MAST4: variants seen among roughly 807,000 people sequenced by gnomAD.
MAST4 encodes microtubule-associated serine/threonine-protein kinase 4.
MAST4 carries 89 observed loss-of-function variants against 162.7 expected under a neutral mutation model. That is an observed-to-expected ratio of 0.55 (90% CI 0.46 to 0.65). The LOEUF (loss-of-function observed/expected upper bound fraction) is 0.65, where lower values mean the gene tolerates loss of function less well. MAST4 is among the 30% of genes least tolerant of loss of function. The probability of loss-of-function intolerance (pLI) is 0.00; values close to 1 mark genes in which losing one functional copy is unlikely to be tolerated. For missense variants in MAST4, 3,153 were observed against 3,374.0 expected, an observed-to-expected ratio of 0.93 and a Z score of 1.62; for synonymous variants, 1,479 against 1,361.1, an observed-to-expected ratio of 1.09 and a Z score of -1.91.
chr5:67,167,107 C>A lies in MAST4; in HGVS notation c.*56C>A. 7.0e-7 allele frequency: 1 copy of A among 1,430,706 alleles called. No individual in the cohort carries two copies. 88.6% of individuals were successfully genotyped at this position (1,430,706 alleles called of 1,614,324 possible). A position where few individuals can be genotyped will look rare whatever the true frequency, so the allele number is the denominator to read the frequency against. ...ACCCGTCCTGAACGGGCGACTGTGT[C>A]TTGACTACCTTTCAAAACCAGCACT... On this transcript the variant is annotated 3_prime_UTR_variant, in exon 29 of 29. Transcript: ENST00000403625.
intron 1 of MAST4, among the ~76,000 whole-genome samples, chr5:66,709,476 T>C (rs1750354749): frequency 6.6e-6 from 1 of 152,120 alleles, no homozygotes; most frequent in Non-Finnish European, 1.5e-5. Context: ...CCACTGTCCC[T>C]GGCTAATTTT....
At chr5:67,115,402 C>T (rs1159641793) in intron 12 of MAST4, among the ~76,000 whole-genome samples, 1 of 152,252 alleles carries the variant, frequency 6.6e-6, no homozygotes, top group African/African-American at 2.4e-5. Context: ...ACCTGCTGCT[C>T]TCTGCCCTGC....
intron 15 of MAST4, among the ~76,000 whole-genome samples, chr5:67,131,168 G>A (rs1377750076): frequency 6.6e-6 from 1 of 151,950 alleles, no homozygotes; most frequent in Admixed American, 6.6e-5. Flanking sequence ...AGATAGAGTG[G>A]TAGATAAAAG....
chr5:66,876,697 C>T (rs576898424), intron 3 of MAST4, among the ~76,000 whole-genome samples: 22 of 152,316 alleles, frequency 1.4e-4, no homozygotes, highest in African/African-American at 4.6e-4. Flanking sequence ...ATAGTCTGCC[C>T]TATGACCCAG....
At chr5:66,772,019 A>G (rs538951775) in intron 2 of MAST4, among the ~76,000 whole-genome samples, 2 of 152,332 alleles carry the variant, frequency 1.3e-5, no homozygotes, top group South Asian at 4.1e-4. Flanking sequence ...CCCCTCAGAG[A>G]TGAAGTGGCT....
At chr5:66,811,302 A>G (rs1049470234) in intron 3 of MAST4, among the ~76,000 whole-genome samples, 3 of 152,242 alleles carry the variant, frequency 2.0e-5, no homozygotes, top group African/African-American at 7.2e-5. Flanking sequence ...TGAAGGTAAT[A>G]TATTACTCTG....
intron 1 of MAST4, among the ~76,000 whole-genome samples, chr5:66,682,153 T>C (rs1242178602): frequency 6.6e-6 from 1 of 152,042 alleles, no homozygotes; most frequent in African/African-American, 2.4e-5. Context: ...AAGTTTCACA[T>C]AGAAGTTATA....
intron 26 of MAST4, among the ~76,000 whole-genome samples, chr5:67,158,535 C>T (rs1006612745): frequency 1.1e-4 from 16 of 151,850 alleles, no homozygotes; most frequent in African/African-American, 3.9e-4. Flanking sequence ...CACACCACTG[C>T]ACTCCAACCT....
rs552241469 is a variant in MAST4 at position 66,747,936 on chromosome 5, G to T, written c.364-11773G>T. The stretch of plus-strand genomic sequence containing the variant: ...AATCACTATGAGTTCAGAACTGCTG[G>T]TTTAGAGGGTAAGGTGAAATCTGGA... On this transcript the variant is annotated intron_variant, in intron 1 of 28. Coordinates refer to ENST00000403625, the MANE Select transcript of MAST4 (RefSeq NM_001164664.2). Among the ~76,000 whole-genome samples, 5 of 152,296 alleles carry T rather than the reference G, an allele frequency of 3.3e-5. No homozygotes were observed. The East Asian group carries it at 7.7e-4, about 24-fold the overall frequency.
At chr5:67,083,089 T>G (rs1762853966) in intron 5 of MAST4, among the ~76,000 whole-genome samples, 1 of 152,194 alleles carries the variant, frequency 6.6e-6, no homozygotes, top group Non-Finnish European at 1.5e-5. Flanking sequence ...GCCAAGAGTT[T>G]CCAAGATTTC....
intron 1 of MAST4, among the ~76,000 whole-genome samples, chr5:66,647,069 A>G (rs1013119934): frequency 6.6e-6 from 1 of 152,070 alleles, no homozygotes; most frequent in Admixed American, 6.6e-5. Context: ...ACTGGCCATA[A>G]TATTATAGGA....
chr5:67,053,077 T>C (rs540206696), intron 4 of MAST4, among the ~76,000 whole-genome samples: 1 of 152,284 alleles, frequency 6.6e-6, no homozygotes, highest in African/African-American at 2.4e-5. Context: ...TATTAACAAC[T>C]GCTTTAAGGC....
At chr5:66,761,492 A>G (rs959882463) in intron 2 of MAST4, among the ~76,000 whole-genome samples, 1 of 151,954 alleles carries the variant, frequency 6.6e-6, no homozygotes, top group African/African-American at 2.4e-5. Context: ...CCCCAAACAG[A>G]GTTTTCTTTC....
At chr5:67,140,450 C>T (rs375389952) in intron 19 of MAST4, among the ~76,000 whole-genome samples, 2 of 152,196 alleles carry the variant, frequency 1.3e-5, no homozygotes, top group East Asian at 1.9e-4. Context: ...AGAACAGCCA[C>T]GTGAGTTGGC....
intron 2 of MAST4, among the ~76,000 whole-genome samples, chr5:66,768,918 G>A (rs1170647772): frequency 2.0e-5 from 3 of 152,114 alleles, no homozygotes; most frequent in Admixed American, 6.5e-5. Flanking sequence ...AGAGTTATTG[G>A]ATTTAATGGC....
At chr5:66,710,187 A>T (rs1486209236) in intron 1 of MAST4, among the ~76,000 whole-genome samples, 1 of 152,206 alleles carries the variant, frequency 6.6e-6, no homozygotes, top group Non-Finnish European at 1.5e-5. Flanking sequence ...TGTAGAAGTG[A>T]TGTGACTGCA....
At chr5:66,735,551 C>T (rs992875703) in intron 1 of MAST4, among the ~76,000 whole-genome samples, 6 of 152,186 alleles carry the variant, frequency 3.9e-5, no homozygotes, top group Non-Finnish European at 8.8e-5. Context: ...TTAAATAAAT[C>T]TTGTATTTTT....
chr5:66,596,629 G>C lies in MAST4; in HGVS notation c.-27G>C. On this transcript the variant is annotated 5_prime_UTR_variant, in exon 1 of 29. Coordinates refer to ENST00000403625, the MANE Select transcript of MAST4 (RefSeq NM_001164664.2). ...AGTGCGCGCCGCGCCCCCGCCGCTC[G>C]GGAGGCACTTTGGGCCAGACAGGGA... 1.4e-6 allele frequency: 2 copies of C among 1,406,810 alleles called. No homozygotes were observed. The highest frequency in any genetic ancestry group is 1.8e-6 in the Non-Finnish European group (2 of 1,082,868). 87.1% of individuals were successfully genotyped at this position (1,406,810 alleles called of 1,614,324 possible).
chr5:67,096,331 A>G (rs1217317024), intron 7 of MAST4, among the ~76,000 whole-genome samples: 1 of 152,158 alleles, frequency 6.6e-6, no homozygotes, highest in Admixed American at 6.5e-5. Context: ...ATGTTTTTTT[A>G]GTTTATGTTA....
Sources: allele counts gnomAD v4.1 joint callset (sites outside exome capture counted in the v4.1 genomes callset), GRCh38; gene constraint gnomAD v4.1.1; transcripts MANE v1.5; gene names NCBI Gene and HGNC (gene_info 2026-07-23, HGNC 2026-07-21).